EVC2: variants seen among roughly 807,000 people sequenced by gnomAD.
EVC2 encodes EvC ciliary complex subunit 2.
Under a neutral mutation model 149.3 loss-of-function variants are expected in EVC2, and 148 were observed. That is an observed-to-expected ratio of 0.99 (90% CI 0.87 to 1.14). EVC2 has a LOEUF of 1.14. Ranked by LOEUF, EVC2 falls within the 50% of genes most tolerant of loss-of-function variation. EVC2 has a pLI of 0.00. For synonymous variants in EVC2, 776 were observed against 649.9 expected (o/e 1.19, Z -2.95); for missense variants, 1,854 against 1,627.3 (o/e 1.14, Z -2.40).
intron 15 of EVC2, among the ~76,000 whole-genome samples, chr4:5,617,824 AG>A (rs375285948): frequency 1.3e-5 from 2 of 152,288 alleles, no homozygotes; most frequent in East Asian, 3.9e-4. Context: ...GGTTTCCTGA[AG>A]GAGGTCTCTC....
intron 21 of EVC2, among the ~76,000 whole-genome samples, chr4:5,545,534 T>C (rs1721598446): frequency 6.6e-6 from 1 of 152,236 alleles, no homozygotes; most frequent in African/African-American, 2.4e-5. Flanking sequence ...CAGGAATCTA[T>C]GCAGAAGACA....
At chr4:5,671,032 A>G (rs1397625024) in intron 7 of EVC2, among the ~76,000 whole-genome samples, 1 of 152,244 alleles carries the variant, frequency 6.6e-6, no homozygotes, top group Non-Finnish European at 1.5e-5. Flanking sequence ...ATTTCACAGA[A>G]CATGTATTAT....
intron 21 of EVC2, among the ~76,000 whole-genome samples, chr4:5,555,241 A>T (rs1390972535): frequency 6.6e-6 from 1 of 151,902 alleles, no homozygotes; most frequent in East Asian, 1.9e-4. Flanking sequence ...AAGGGAAGGG[A>T]GGGAAACAAG....
intron 7 of EVC2, among the ~76,000 whole-genome samples, chr4:5,668,138 C>T (rs1001431704): frequency 8.5e-5 from 13 of 152,178 alleles, no homozygotes; most frequent in Admixed American, 2.0e-4. Context: ...CATGGGATAC[C>T]GAATGTATTA....
chr4:5,669,011 A>C (rs1719458684), intron 7 of EVC2, among the ~76,000 whole-genome samples: 1 of 152,212 alleles, frequency 6.6e-6, no homozygotes, highest in Non-Finnish European at 1.5e-5. Context: ...ACACACAGAA[A>C]AGATGGCCAT....
At position 5,696,289 on chromosome 4, in the gene EVC2, A is replaced by C. The variant is rs942743180; in HGVS notation, c.283+1304T>G. ...TCTGGCTCTCCTGGTCCTCAGCTTTAATGAAGACTCCAAAGTGATCCCTCC... is the reference window on the plus strand; with the variant it reads ...TCTGGCTCTCCTGGTCCTCAGCTTTCATGAAGACTCCAAAGTGATCCCTCC... On this transcript the variant is annotated intron_variant, in intron 2 of 21. Coordinates refer to ENST00000344408, the MANE Select transcript of EVC2 (RefSeq NM_147127.5). This position sits in a 1 kb window ranked among gnomAD's most constrained non-coding sequence, Gnocchi z 4.1. Among the ~76,000 whole-genome samples, 1 of 152,176 alleles carries C rather than the reference A, an allele frequency of 6.6e-6. No homozygotes were observed. The highest frequency in any genetic ancestry group is 2.4e-5 in the African/African-American group (1 of 41,446).
intron 5 of EVC2, 131 bp from the exon 6 acceptor site, chr4:5,685,610 C>G (rs564008914): frequency 5.2e-5 from 37 of 708,716 alleles, no homozygotes; most frequent in Middle Eastern, 3.7e-4. Context: ...GCAGTGATGC[C>G]TGCAGCAAGG....
chr4:5,638,218 G>A (rs139038708), intron 10 of EVC2, among the ~76,000 whole-genome samples: 1,563 of 151,990 alleles, frequency 0.01, 12 homozygotes, highest in Non-Finnish European at 0.016. Context: ...GCAAAACCCT[G>A]TCTCTACTAA....
chr4:5,632,591 C>G (rs888982712), intron 10 of EVC2, among the ~76,000 whole-genome samples: 1 of 152,210 alleles, frequency 6.6e-6, no homozygotes, highest in African/African-American at 2.4e-5. Flanking sequence ...AAGATTATTT[C>G]TCCTATCTTT....
chr4:5,641,055 A>G (rs1054662590), intron 9 of EVC2, among the ~76,000 whole-genome samples: 7 of 152,354 alleles, frequency 4.6e-5, no homozygotes, highest in Admixed American at 3.9e-4. Context: ...GATGTACAAA[A>G]AAGAATATAA....
intron 16 of EVC2, among the ~76,000 whole-genome samples, chr4:5,589,562 A>C (rs1325941305): frequency 6.6e-6 from 1 of 152,150 alleles, no homozygotes; most frequent in Non-Finnish European, 1.5e-5. Context: ...CTTTTACTCA[A>C]AGGGTCTACC....
At chr4:5,583,839 C>T (rs1360784413) in intron 17 of EVC2, among the ~76,000 whole-genome samples, 4 of 149,168 alleles carry the variant, frequency 2.7e-5, no homozygotes, top group Non-Finnish European at 5.9e-5. Context: ...TTTGTTTATG[C>T]TGTACTTCAG....
rs777448755 is a variant in EVC2 at position 5,697,614 on chromosome 4, A to G, written c.262T>C (p.Cys88Arg). The G allele has an allele frequency of 1.9e-6, 3 of 1,614,228 alleles. No homozygotes were observed. Among genetic ancestry groups the G allele is most frequent in the East Asian group, 4.5e-5 (2 of 44,884 alleles). The change falls in exon 2 of 22, where the codon TGC (cysteine) becomes CGC (arginine). Residue 88 changes from cysteine to arginine, a missense_variant. Coordinates refer to ENST00000344408, the MANE Select transcript of EVC2 (RefSeq NM_147127.5). Reference sequence around the variant, plus strand: ...TCACCTGCAGTCTTAAAGTGACAGCATTCCACTTTGGGCCAAATCATACAG... The same window carrying G: ...TCACCTGCAGTCTTAAAGTGACAGCGTTCCACTTTGGGCCAAATCATACAG... The part of the protein sequence containing the change: ...LPCMIWPKVE[C>R]CHFKTAVEAP...
chr4:5,615,172 A>G (rs564661623), intron 16 of EVC2, among the ~76,000 whole-genome samples: 3 of 152,320 alleles, frequency 2.0e-5, no homozygotes, highest in East Asian at 3.9e-4. Flanking sequence ...CCCGAGGTGA[A>G]GCCTGAAGGA....
chr4:5,674,900 G>A (rs1481931958), intron 7 of EVC2, among the ~76,000 whole-genome samples: 3 of 152,188 alleles, frequency 2.0e-5, no homozygotes, highest in Non-Finnish European at 4.4e-5. Flanking sequence ...AAGAAATGCA[G>A]ATTAGGGCAA....
chr4:5,599,587 G>C (rs1443034640), intron 16 of EVC2, among the ~76,000 whole-genome samples: 2 of 152,148 alleles, frequency 1.3e-5, no homozygotes, highest in Non-Finnish European at 2.9e-5. Context: ...GGGCAGAGGG[G>C]GGAGGGATAG....
intron 16 of EVC2, 112 bp from the exon 17 acceptor site, chr4:5,584,962 A>C (rs2108789013): frequency 1.7e-6 from 2 of 1,177,258 alleles, no homozygotes; most frequent in East Asian, 2.5e-5. Flanking sequence ...GGACCACCAA[A>C]AGTTTACAAT....
rs557480563 is a variant in EVC2 at position 5,618,570 on chromosome 4, G to A, written c.2614C>T (p.Arg872Trp). Residue 872 changes from arginine (R) to tryptophan (W), a missense_variant, in exon 15 of 22, where the codon CGG becomes TGG. Arg to Trp is a moderately radical substitution (Grantham distance 101). Coordinates refer to ENST00000344408, the MANE Select transcript of EVC2 (RefSeq NM_147127.5). This position sits in a 1 kb window ranked among gnomAD's most constrained non-coding sequence, Gnocchi z 4.4. The part of the protein sequence containing the change: ...MDRSLALPKI[R>W]ARVLLQQFQT... ...AATTGCTGCAGCAGAACTCGGGCCC[G>A]GATCTTGGGGAGGGCCAAGCTCCTG... 8.3e-5 allele frequency: 134 copies of A among 1,614,114 alleles called. No homozygotes were observed. The South Asian group carries it at 1.1e-3, about 14-fold the overall frequency.
In EVC2 at chr4:5,681,356, G is replaced by C. The variant is rs77250194; in HGVS notation, c.817-43C>G. ...AAAACACTTTCAGCAACAGTTTGGG[G>C]TCTGACACGTGGGATAACATTTGGT... On this transcript the variant is annotated intron_variant, in intron 6 of 21. Coordinates refer to ENST00000344408, the MANE Select transcript of EVC2 (RefSeq NM_147127.5). 4.5e-3 allele frequency: 7,281 copies of C among 1,603,088 alleles called. 248 individuals are homozygous for C. In the East Asian group the frequency reaches 0.073, roughly 16 times the overall value.
Sources: gnomAD v4.1 joint callset for allele counts (sites outside exome capture counted in the v4.1 genomes callset) on GRCh38, gnomAD v4.1.1 for gene constraint, Gnocchi (gnomAD v3.1) non-coding constraint, MANE v1.5 for transcripts, NCBI Gene and HGNC (gene_info 2026-07-23, HGNC 2026-07-21) for gene names.